Variants in TRPM1 observed in about 807,000 individuals in gnomAD.
TRPM1 encodes the protein TRPM1-203 APA Isoform, Intron 10.
Under a neutral mutation model 149.4 loss-of-function variants are expected in TRPM1, and 113 were observed. The observed-to-expected ratio is 0.76, with a 90% CI of 0.65 to 0.88. The LOEUF is 0.88. Ranked by LOEUF, TRPM1 falls within the 40% of genes least tolerant of loss-of-function variation. The probability of loss-of-function intolerance (pLI) is 0.00; values close to 1 mark genes in which losing one functional copy is unlikely to be tolerated. For missense variants in TRPM1, 1,976 were observed against 2,038.7 expected (o/e 0.97, Z 0.59); for synonymous variants, 741 against 759.5 (o/e 0.98, Z 0.40).
At chr15:31,098,030 A>C (rs1467920926) in intron 1 of TRPM1, among the ~76,000 whole-genome samples, 2 of 152,266 alleles carry the variant, frequency 1.3e-5, no homozygotes, top group Non-Finnish European at 2.9e-5. Flanking sequence ...TATAGAATTA[A>C]AGTTAATTTC....
chr15:31,085,794 C>A (rs1225535427), intron 1 of TRPM1, among the ~76,000 whole-genome samples: 1 of 152,036 alleles, frequency 6.6e-6, no homozygotes, highest in East Asian at 1.9e-4. Context: ...CAATGCAGAC[C>A]CCGAATTATC....
chr15:31,037,985 C>T, intron 19 of TRPM1, 59 bp downstream of exon 19: 1 of 1,613,362 alleles, frequency 6.2e-7, no homozygotes, highest in Non-Finnish European at 8.5e-7. Flanking sequence ...TACAAGAAAT[C>T]TCAACAATTT....
intron 3 of TRPM1, among the ~76,000 whole-genome samples, chr15:31,073,724 C>T (rs146253032): frequency 6.3e-4 from 96 of 152,046 alleles, no homozygotes; most frequent in African/African-American, 2.2e-3. Context: ...TTGCTTTGGC[C>T]TGTACTTCCA....
At position 31,001,265 on chromosome 15, in the gene TRPM1, T is replaced by C. The variant is rs1410501048; in HGVS notation, c.*557A>G. On this transcript the variant is annotated 3_prime_UTR_variant, in exon 28 of 28. Coordinates refer to ENST00000256552, the MANE Select transcript of TRPM1 (RefSeq NM_001252024.2). The stretch of plus-strand genomic sequence containing the variant: ...ATTGTGCCTCACAATTTTATTTTTC[T>C]TCTTTCCACCCCTCCCTTTTTTCAT... The C allele has an allele frequency of 6.6e-6, 1 of 152,204 alleles. No individual in the cohort carries two copies. Among genetic ancestry groups the C allele is most frequent in the Non-Finnish European group, 1.5e-5 (1 of 68,072 alleles). The allele number at this position is 152,204 out of a possible 1,614,324, so 9.4% of individuals were successfully genotyped here. A position where few individuals can be genotyped will look rare whatever the true frequency, so the allele number is the denominator to read the frequency against.
In TRPM1 at chr15:31,063,218, A is replaced by G. The variant is rs2034282545; in HGVS notation, c.865T>C (p.Tyr289His). 1 of 1,614,164 alleles carries G rather than the reference A, an allele frequency of 6.2e-7. No individual in the cohort carries two copies. Among genetic ancestry groups the G allele is most frequent in the Non-Finnish European group, 8.5e-7 (1 of 1,180,032 alleles). The change falls in exon 8 of 28, where the codon TAC (tyrosine) becomes CAC (histidine). Residue 289 changes from tyrosine (Y) to histidine (H), a missense_variant. Physicochemically the swap from Tyr to His is moderately conservative, Grantham distance 83 (BLOSUM62 2). Around this residue, in one of 3 missense-constraint regions of TRPM1, gnomAD observed 1,332 missense variants for 1,347.1 expected, o/e 0.99. Transcript: ENST00000256552. ...GPNVVSIVLE[Y>H]LQEEPPIPVV... ...GGGATGGGAGGCTCTTCTTGCAGGTATTCCAAGACGATGGACACCACGTTA... is the reference window on the plus strand; with the variant it reads ...GGGATGGGAGGCTCTTCTTGCAGGTGTTCCAAGACGATGGACACCACGTTA...
chr15:31,157,282 T>C (rs2036390356), intron 1 of TRPM1, among the ~76,000 whole-genome samples: 1 of 152,196 alleles, frequency 6.6e-6, no homozygotes, highest in Admixed American at 6.5e-5. Context: ...GCTTGGTTCA[T>C]TTGTTTTAAG....
chr15:31,093,603 TTTTG>T lies in TRPM1; in HGVS notation c.-84+8050_-84+8053del, dbSNP rs1283212345. On this transcript the variant is annotated intron_variant, in intron 1 of 27. Transcript: ENST00000256552. Reference sequence around the variant, plus strand: ...ATGGACAGAGCAATCTGGTTTTTTTTTTTGTTTTTTTATTTTGAGATGGAGTCTT... The same window carrying T: ...ATGGACAGAGCAATCTGGTTTTTTTTTTTTTTTATTTTGAGATGGAGTCTT... Among the ~76,000 whole-genome samples the T allele has an allele frequency of 3.9e-5, 6 of 152,178 alleles. No individual in the cohort carries two copies. The East Asian group carries it at 1.2e-3, about 29-fold the overall frequency.
Position 31,042,148 on chromosome 15 carries a change from G to A in TRPM1, c.1890C>T (p.Phe630=), listed in dbSNP as rs369315253. ...IDVDDPAVSR[F]QYPFHELMVW... Reference sequence around the variant, plus strand: ...CCATCAGCTCGTGGAAGGGATACTGGAACCGACTCACGGCAGGGTCGTCCA... The same window carrying A: ...CCATCAGCTCGTGGAAGGGATACTGAAACCGACTCACGGCAGGGTCGTCCA... Residue 630 remains phenylalanine (F), a synonymous_variant, in exon 17 of 28, where the codon TTC becomes TTT. Transcript: ENST00000256552. 145 of 1,614,048 alleles carry A rather than the reference G, an allele frequency of 9.0e-5. No individual in the cohort carries two copies. The highest frequency in any genetic ancestry group is 1.2e-4 in the Non-Finnish European group (141 of 1,180,040).
At chr15:31,105,966 T>C (rs933296278), upstream of TRPM1, among the ~76,000 whole-genome samples, 2 of 152,204 alleles carry the variant, frequency 1.3e-5, no homozygotes, top group Non-Finnish European at 2.9e-5. Flanking sequence ...CCATTGGATT[T>C]CCATGCATTG....
Position 31,072,004 on chromosome 15 carries a change from TATATATATATATATAGAG to T in TRPM1, c.84-1796_84-1779del, listed in dbSNP as rs1293971691. On this transcript the variant is annotated intron_variant, in intron 3 of 27. Coordinates refer to ENST00000256552, the MANE Select transcript of TRPM1 (RefSeq NM_001252024.2). The stretch of plus-strand genomic sequence containing the variant: ...ACATATATATATATATATATATATA[TATATATATATATATAGAG>T]AGAGAGAGAGAGAGAGAGAGAGAGA... 2.5e-3 allele frequency among the ~76,000 whole-genome samples: 136 copies of T among 53,684 alleles called. 1 individual carries two copies. The highest frequency in any genetic ancestry group is 5.0e-3 in the East Asian group (5 of 1,004). The allele number at this position is 53,684 out of a possible 152,430, so 35.2% of individuals were successfully genotyped here. A position where few individuals can be genotyped will look rare whatever the true frequency, so the allele number is the denominator to read the frequency against.
chr15:31,051,397 C>A (rs1355051059), intron 11 of TRPM1, among the ~76,000 whole-genome samples: 1 of 152,242 alleles, frequency 6.6e-6, no homozygotes, highest in Non-Finnish European at 1.5e-5. Flanking sequence ...TCCTATCTCT[C>A]CTGCACGCAC....
chr15:31,034,509 G>T (rs1449792918), intron 21 of TRPM1, among the ~76,000 whole-genome samples: 3 of 152,180 alleles, frequency 2.0e-5, no homozygotes, highest in Non-Finnish European at 4.4e-5. Flanking sequence ...ACAAATTGAG[G>T]TGGGGCCCAA....
At chr15:31,105,475 G>GCA (rs2035593310), upstream of TRPM1, among the ~76,000 whole-genome samples, 2 of 123,238 alleles carry the variant, frequency 1.6e-5, no homozygotes, top group African/African-American at 5.3e-5. Flanking sequence ...GTGTGTGTGC[G>GCA]CGCGCGCGCG....
chr15:31,020,345 C>T (rs753356796), intron 27 of TRPM1, among the ~76,000 whole-genome samples: 2 of 152,238 alleles, frequency 1.3e-5, no homozygotes, highest in Non-Finnish European at 2.9e-5. Context: ...CTGCCATTTG[C>T]AAACACTAGC....
At chr15:31,045,742 A>G (rs1359376962) in intron 16 of TRPM1, among the ~76,000 whole-genome samples, 1 of 152,228 alleles carries the variant, frequency 6.6e-6, no homozygotes, top group African/African-American at 2.4e-5. Flanking sequence ...TTAACAAAGT[A>G]AGGCATATGT....
intron 1 of TRPM1, among the ~76,000 whole-genome samples, chr15:31,135,099 T>C (rs2036070629): frequency 6.6e-6 from 1 of 152,382 alleles, no homozygotes; most frequent in South Asian, 2.1e-4. Flanking sequence ...TCTTGTTATC[T>C]GTCTTTTGTT....
chr15:31,069,245 G>T, intron 4 of TRPM1: 1 of 209,666 alleles, frequency 4.8e-6, no homozygotes, highest in Non-Finnish European at 8.3e-6. Context: ...AATGGGTCAG[G>T]CGATCATGGG....
chr15:31,047,078 A>C, intron 15 of TRPM1, 33 bp downstream of exon 15: 9 of 1,614,106 alleles, frequency 5.6e-6, no homozygotes, highest in Non-Finnish European at 7.6e-6. Context: ...GTACTCGCGA[A>C]CCACAGAACA....
chr15:31,158,666 C>T (rs892382289), intron 1 of TRPM1, among the ~76,000 whole-genome samples: 4 of 144,482 alleles, frequency 2.8e-5, no homozygotes, highest in African/African-American at 7.7e-5. Context: ...AGTGAAAGAA[C>T]AGCAGAACAG....
Sources: allele counts gnomAD v4.1 joint callset (sites outside exome capture counted in the v4.1 genomes callset), GRCh38; gene constraint gnomAD v4.1.1; regional missense constraint gnomAD v4.1.1; transcripts MANE v1.5; gene names NCBI Gene and HGNC (gene_info 2026-07-23, HGNC 2026-07-21).